Variants in CCDC102B observed in about 807,000 individuals in gnomAD.
CCDC102B encodes the protein coiled-coil domain-containing protein 102B.
CCDC102B carries 75 observed loss-of-function variants against 57.4 expected under a neutral mutation model. That is an observed-to-expected ratio of 1.31 (90% CI 1.08 to 1.58). The LOEUF is 1.58. Among genes scored for constraint, CCDC102B ranks in the 40% most tolerant of loss-of-function variants. The probability of loss-of-function intolerance (pLI) is 0.00; values close to 1 mark genes in which losing one functional copy is unlikely to be tolerated. For missense variants in CCDC102B, 636 were observed against 582.6 expected (o/e 1.09, Z -0.94); for synonymous variants, 206 against 201.9 (o/e 1.02, Z -0.17).
intron 7 of CCDC102B, among the ~76,000 whole-genome samples, chr18:69,050,299 A>G (rs144738386): frequency 6.6e-6 from 1 of 152,048 alleles, no homozygotes; most frequent in African/African-American, 2.4e-5. Context: ...AACTTCTAAA[A>G]CCTTCTGAAT....
intron 5 of CCDC102B, among the ~76,000 whole-genome samples, chr18:68,878,522 GTTGA>G (rs1479209909): frequency 9.9e-5 from 15 of 152,242 alleles, no homozygotes; most frequent in East Asian, 3.9e-4. Context: ...TCCTTTAGGA[GTTGA>G]TTAAGTTATG....
intron 6 of CCDC102B, among the ~76,000 whole-genome samples, chr18:68,967,436 A>G (rs1340844744): frequency 6.7e-6 from 1 of 148,322 alleles, no homozygotes; most frequent in Non-Finnish European, 1.5e-5. Context: ...AATTCACTAT[A>G]AGATTTAATA....
At chr18:68,957,990 TA>T (rs2049947425) in intron 6 of CCDC102B, among the ~76,000 whole-genome samples, 1 of 152,200 alleles carries the variant, frequency 6.6e-6, no homozygotes. Flanking sequence ...AAGAGAGGTT[TA>T]ATGGACTTAC....
chr18:68,755,318 G>A (rs968460570), intron 2 of CCDC102B, among the ~76,000 whole-genome samples: 6 of 152,118 alleles, frequency 3.9e-5, no homozygotes, highest in African/African-American at 7.2e-5. Context: ...ATTTAGCTCA[G>A]CCTGCTGGAC....
intron 2 of CCDC102B, 86 bp downstream of exon 2, chr18:68,837,455 T>A: frequency 7.7e-7 from 1 of 1,301,488 alleles, no homozygotes; most frequent in Non-Finnish European, 1.1e-6. Flanking sequence ...AATGCAATGG[T>A]GATTATACTA....
chr18:69,030,822 T>G (rs1347974344), intron 7 of CCDC102B, among the ~76,000 whole-genome samples: 1 of 152,080 alleles, frequency 6.6e-6, no homozygotes, highest in Non-Finnish European at 1.5e-5. Flanking sequence ...GCCCGGATCA[T>G]TTTTGTATTT....
intron 6 of CCDC102B, among the ~76,000 whole-genome samples, chr18:69,000,833 A>G (rs1568115576): frequency 6.6e-6 from 1 of 152,178 alleles, no homozygotes; most frequent in South Asian, 2.1e-4. Context: ...TAAGCGAAGT[A>G]CATTACTTTT....
chr18:69,057,179 ATT>A (rs1312748842), downstream of CCDC102B, among the ~76,000 whole-genome samples: 2 of 152,000 alleles, frequency 1.3e-5, no homozygotes. Context: ...AATACTACAT[ATT>A]TTATGTTTTT....
At chr18:68,739,731 A>G (rs1412756853) in intron 2 of CCDC102B, among the ~76,000 whole-genome samples, 2 of 152,192 alleles carry the variant, frequency 1.3e-5, no homozygotes, top group African/African-American at 2.4e-5. Flanking sequence ...TGCAGATGAC[A>G]TGCCTTCTTC....
intron 2 of CCDC102B, among the ~76,000 whole-genome samples, chr18:68,769,424 G>T (rs2034568248): frequency 6.6e-6 from 1 of 151,916 alleles, no homozygotes; most frequent in African/African-American, 2.4e-5. Context: ...CATCATATTG[G>T]GGGTTAGAGG....
In CCDC102B at chr18:68,818,772, GATAC is replaced by G. The variant is rs1198165268; in HGVS notation, c.-15-17974_-15-17971del. On this transcript the variant is annotated intron_variant, in intron 1 of 7. Transcript: ENST00000360242. ...CATCCATTTTTAGTTTATAGACAAA[GATAC>G]ATTCAATTTTGAGCAATTAGGAATA... 3.9e-5 allele frequency among the ~76,000 whole-genome samples: 6 copies of G among 152,080 alleles called. No homozygotes were observed. The East Asian group carries it at 9.6e-4, about 24-fold the overall frequency.
chr18:69,055,715 A>G (rs1334799244), downstream of CCDC102B, among the ~76,000 whole-genome samples: 1 of 152,012 alleles, frequency 6.6e-6, no homozygotes, highest in Non-Finnish European at 1.5e-5. Context: ...AAGATCCTAA[A>G]CGCAAGTGGA....
At chr18:69,052,002 A>G (rs1192270603) in intron 7 of CCDC102B, among the ~76,000 whole-genome samples, 1 of 151,926 alleles carries the variant, frequency 6.6e-6, no homozygotes, top group African/African-American at 2.4e-5. Flanking sequence ...AAATATTGAT[A>G]TATTTCATAA....
At chr18:68,717,866 G>A (rs1160105995) in intron 2 of CCDC102B, 2 of 152,112 alleles carry the variant, frequency 1.3e-5, no homozygotes, top group African/African-American at 4.8e-5. Context: ...AAACTTAATT[G>A]CCGGTATGAT....
intron 4 of CCDC102B, among the ~76,000 whole-genome samples, chr18:68,855,638 C>A (rs944566532): frequency 7.9e-5 from 12 of 152,086 alleles, no homozygotes; most frequent in Admixed American, 6.5e-4. Context: ...TCTGTAGCCC[C>A]AAGAGCCTGA....
intron 1 of CCDC102B, among the ~76,000 whole-genome samples, chr18:68,814,863 C>A (rs2036414309): frequency 6.6e-6 from 1 of 152,000 alleles, no homozygotes; most frequent in African/African-American, 2.4e-5. Flanking sequence ...AGGCCAAACA[C>A]AAACTTTTCT....
intron 7 of CCDC102B, among the ~76,000 whole-genome samples, chr18:69,015,867 A>G (rs2051650733): frequency 6.6e-6 from 1 of 151,434 alleles, no homozygotes; most frequent in Non-Finnish European, 1.5e-5. Flanking sequence ...TTTTATTTTT[A>G]TTTTTGAGAT....
chr18:68,725,252 G>A (rs370601648), intron 2 of CCDC102B, among the ~76,000 whole-genome samples: 1 of 152,210 alleles, frequency 6.6e-6, no homozygotes, highest in Admixed American at 6.5e-5. Context: ...GGTAGATTCT[G>A]TGTCACTGCA....
chr18:68,865,376 A>G (rs1375788582), intron 4 of CCDC102B, among the ~76,000 whole-genome samples: 2 of 152,092 alleles, frequency 1.3e-5, no homozygotes, highest in Admixed American at 1.3e-4. Flanking sequence ...ATTTTGTTAT[A>G]GGCATCTACA....
Sources: allele counts gnomAD v4.1 joint callset (sites outside exome capture counted in the v4.1 genomes callset), GRCh38; gene constraint gnomAD v4.1.1; transcripts MANE v1.5; gene names NCBI Gene and HGNC (gene_info 2026-07-23, HGNC 2026-07-21).